PRDM16: variants seen among roughly 807,000 people sequenced by gnomAD.
The protein encoded by PRDM16 is histone-lysine N-methyltransferase PRDM16.
Under a neutral mutation model 110.6 loss-of-function variants are expected in PRDM16, and 23 were observed. The ratio of observed to expected loss-of-function variants is 0.21; its 90% CI spans 0.15 to 0.29. PRDM16 has a LOEUF of 0.29. PRDM16 is among the 10% of genes least tolerant of loss of function. The pLI is 1.00. For missense variants in PRDM16, 1,615 were observed against 1,794.3 expected, an observed-to-expected ratio of 0.90 and a Z score of 1.81; for synonymous variants, 799 against 781.8, an observed-to-expected ratio of 1.02 and a Z score of -0.37.
At chr1:3,078,456 C>G (rs1641947568) in intron 1 of PRDM16, among the ~76,000 whole-genome samples, 1 of 152,208 alleles carries the variant, frequency 6.6e-6, no homozygotes, top group Non-Finnish European at 1.5e-5. Flanking sequence ...ACAGCTCACC[C>G]CAACCCCCGC....
rs1642711487 is a variant in PRDM16, at chr1:3,108,247, TA to T, written c.37+38952del. Among the ~76,000 whole-genome samples the T allele has an allele frequency of 3.9e-5, 6 of 152,344 alleles. No individual in the cohort carries two copies. In the South Asian group the frequency reaches 1.2e-3, roughly 32 times the overall value. ...ACCCTTCCCTATTCCCAATCCAAAT[TA>T]TCCTGTAATTCTTTTTTGAAGTTTT... On this transcript the variant is annotated intron_variant, in intron 1 of 16. Coordinates refer to ENST00000270722, the MANE Select transcript of PRDM16 (RefSeq NM_022114.4).
At position 3,181,860 on chromosome 1, in the gene PRDM16, GCA is replaced by G. The variant is rs1189492039; in HGVS notation, c.38-4264_38-4263del. Reference sequence around the variant, plus strand: ...CAGTCTTACACACGGTCTTACACACGCAGTCTTACACACGGTCTTGCACACGC... The same window carrying G: ...CAGTCTTACACACGGTCTTACACACGGTCTTACACACGGTCTTGCACACGC... On this transcript the variant is annotated intron_variant, in intron 1 of 16. Coordinates refer to ENST00000270722, the MANE Select transcript of PRDM16 (RefSeq NM_022114.4). Among the ~76,000 whole-genome samples the G allele has an allele frequency of 1.1e-3, 99 of 92,110 alleles. 1 individual carries two copies. Among genetic ancestry groups the G allele is most frequent in the Non-Finnish European group, 1.6e-3 (65 of 41,414 alleles). 60.4% of individuals were successfully genotyped at this position (92,110 alleles called of 152,430 possible).
In PRDM16 at chr1:3,358,645, A is replaced by C. The variant is rs1385994256; in HGVS notation, c.439-26507A>C. Among the ~76,000 whole-genome samples, 1 of 152,142 alleles carries C rather than the reference A, an allele frequency of 6.6e-6. No homozygotes were observed. Among genetic ancestry groups the C allele is most frequent in the Non-Finnish European group, 1.5e-5 (1 of 68,016 alleles). ...GAGCTCAGAAACATCTCCGATTGGA[A>C]CACGACACAGACCATCCTTCCCAGA... On this transcript the variant is annotated intron_variant, in intron 3 of 16. Coordinates refer to ENST00000270722, the MANE Select transcript of PRDM16 (RefSeq NM_022114.4). This position sits in a 1 kb window ranked among gnomAD's most constrained non-coding sequence, Gnocchi z 4.0.
chr1:3,426,809 C>T (rs535150206), intron 14 of PRDM16, among the ~76,000 whole-genome samples: 152 of 152,274 alleles, frequency 1.0e-3, no homozygotes, highest in African/African-American at 3.4e-3. Flanking sequence ...TTTAGGGGAT[C>T]GTGCCTGGGG....
intron 1 of PRDM16, among the ~76,000 whole-genome samples, chr1:3,090,192 G>A (rs577533218): frequency 6.6e-5 from 10 of 152,228 alleles, no homozygotes; most frequent in South Asian, 2.1e-4. Flanking sequence ...CACCCCGAAC[G>A]CCACCACGGG....
intron 2 of PRDM16, among the ~76,000 whole-genome samples, chr1:3,224,960 G>T (rs1462326814): frequency 6.6e-6 from 1 of 152,220 alleles, no homozygotes; most frequent in Admixed American, 6.5e-5. Flanking sequence ...ACGGTGCTTG[G>T]GTCAGAGACA....
Position 3,203,682 on chromosome 1 carries a change from G to T in PRDM16, c.387+17208G>T, listed in dbSNP as rs140019673. 2.2e-3 allele frequency among the ~76,000 whole-genome samples: 333 copies of T among 152,274 alleles called. 1 individual carries two copies. The highest frequency in any genetic ancestry group is 7.7e-3 in the African/African-American group (318 of 41,548). On this transcript the variant is annotated intron_variant, in intron 2 of 16. Coordinates refer to ENST00000270722, the MANE Select transcript of PRDM16 (RefSeq NM_022114.4). ...TTATCTTCACGTGGCTCCTTCCTGCGTGTGTGTCTGTGTCCACATGTCCCC... is the reference window on the plus strand; with the variant it reads ...TTATCTTCACGTGGCTCCTTCCTGCTTGTGTGTCTGTGTCCACATGTCCCC...
intron 6 of PRDM16, 78 bp from the exon 7 acceptor site, chr1:3,404,661 C>A: frequency 1.3e-6 from 2 of 1,569,670 alleles, no homozygotes; most frequent in Middle Eastern, 3.4e-4. Context: ...GCACTGGGAA[C>A]AAGCTGTATG....
intron 3 of PRDM16, among the ~76,000 whole-genome samples, chr1:3,253,857 C>G (rs2100227988): frequency 6.6e-6 from 1 of 152,274 alleles, no homozygotes; most frequent in Non-Finnish European, 1.5e-5. Context: ...TCTCCACATC[C>G]TCTCCAGCAC....
chr1:3,406,940 G>C (rs1222079278), intron 8 of PRDM16, among the ~76,000 whole-genome samples: 1 of 152,170 alleles, frequency 6.6e-6, no homozygotes, highest in East Asian at 1.9e-4. Context: ...CTGAGAGTGG[G>C]GCCCTTCTGT....
chr1:3,278,910 T>A (rs1371477354), intron 3 of PRDM16, among the ~76,000 whole-genome samples: 1 of 152,182 alleles, frequency 6.6e-6, no homozygotes, highest in East Asian at 1.9e-4. Flanking sequence ...CCGTGGCCTC[T>A]CCCATCCTCC....
At chr1:3,186,087 A>G (rs773933699) in intron 1 of PRDM16, 38 bp from the exon 2 acceptor site, 2 of 1,531,286 alleles carry the variant, frequency 1.3e-6, no homozygotes, top group African/African-American at 2.7e-5. Context: ...TGGGTGGGGC[A>G]CGTGCTGCAG....
At chr1:3,293,983 G>T (rs1367887742) in intron 3 of PRDM16, among the ~76,000 whole-genome samples, 1 of 152,156 alleles carries the variant, frequency 6.6e-6, no homozygotes, top group Non-Finnish European at 1.5e-5. Context: ...CAGGATTCGG[G>T]TTTCTGGCTT....
chr1:3,267,415 C>T (rs920846097), intron 3 of PRDM16, among the ~76,000 whole-genome samples: 18 of 152,244 alleles, frequency 1.2e-4, no homozygotes, highest in Non-Finnish European at 1.5e-5. Context: ...CCACTCGTCC[C>T]TGACCGGAGG....
At chr1:3,403,113 C>T (rs1348141892) in intron 6 of PRDM16, 115 bp downstream of exon 6, 3 of 939,592 alleles carry the variant, frequency 3.2e-6, no homozygotes, top group Non-Finnish European at 5.0e-6. Flanking sequence ...GCCTCGCCCC[C>T]CAACAGGTGT....
At chr1:3,293,097 C>T (rs1022388489) in intron 3 of PRDM16, among the ~76,000 whole-genome samples, 8 of 152,244 alleles carry the variant, frequency 5.3e-5, no homozygotes, top group South Asian at 2.1e-4. Flanking sequence ...GGACTGCACC[C>T]TATTGACCCT....
intron 3 of PRDM16, among the ~76,000 whole-genome samples, chr1:3,384,364 G>T (rs530360433): frequency 1.3e-5 from 2 of 152,328 alleles, no homozygotes; most frequent in South Asian, 2.1e-4. Context: ...TGGCCAGAGT[G>T]GGGGAGGCTG....
intron 3 of PRDM16, among the ~76,000 whole-genome samples, chr1:3,261,802 C>T (rs960236175): frequency 6.6e-6 from 1 of 152,206 alleles, no homozygotes; most frequent in African/African-American, 2.4e-5. Context: ...CACCCTCCAT[C>T]CTGGCTCCGT....
chr1:3,410,282 C>T (rs1036889785), intron 8 of PRDM16, among the ~76,000 whole-genome samples: 1 of 152,090 alleles, frequency 6.6e-6, no homozygotes, highest in South Asian at 2.1e-4. Context: ...ATGGCCGGAA[C>T]CCCCAGGCCG....
Sources: allele counts gnomAD v4.1 joint callset (sites outside exome capture counted in the v4.1 genomes callset), GRCh38; gene constraint gnomAD v4.1.1; non-coding constraint Gnocchi (gnomAD v3.1); transcripts MANE v1.5; gene names NCBI Gene and HGNC (gene_info 2026-07-23, HGNC 2026-07-21).